ARHGEF28: variants seen among roughly 807,000 people sequenced by gnomAD.
ARHGEF28 encodes the protein Rho guanine nucleotide exchange factor 28, also known as 190 kDa guanine nucleotide exchange factor.
ARHGEF28 carries 152 observed loss-of-function variants against 206.6 expected under a neutral mutation model. That is an observed-to-expected ratio of 0.74 (90% CI 0.64 to 0.84). The LOEUF (loss-of-function observed/expected upper bound fraction) is 0.84. Ranked by LOEUF, ARHGEF28 falls within the 40% of genes least tolerant of loss-of-function variation. The pLI is 0.00. For synonymous variants in ARHGEF28, 763 were observed against 776.4 expected (o/e 0.98, Z 0.29); for missense variants, 2,028 against 2,073.2 (o/e 0.98, Z 0.42).
Position 73,840,476 on chromosome 5 carries a change from C to A in ARHGEF28, c.1147-4C>A. 1 of 1,609,250 alleles carries A rather than the reference C, an allele frequency of 6.2e-7. No individual in the cohort carries two copies. Among genetic ancestry groups the A allele is most frequent in the Non-Finnish European group, 8.5e-7 (1 of 1,176,750 alleles). ...TCAGGAAATGTTTTTCTTTCAACTT[C>A]CAGGTTGGTGATTTGGATATCAGCT... On this transcript the variant is annotated splice_polypyrimidine_tract_variant and splice_region_variant and intron_variant, in intron 10 of 35. Coordinates refer to ENST00000513042, the MANE Select transcript of ARHGEF28 (RefSeq NM_001177693.2).
intron 2 of ARHGEF28, among the ~76,000 whole-genome samples, chr5:73,717,398 GTCT>G (rs1306655395): frequency 6.6e-6 from 1 of 152,028 alleles, no homozygotes; most frequent in Admixed American, 6.5e-5. Context: ...CTTTAACCTT[GTCT>G]TCTTCACATT....
At chr5:73,723,440 C>G (rs950653974) in intron 2 of ARHGEF28, among the ~76,000 whole-genome samples, 1 of 152,198 alleles carries the variant, frequency 6.6e-6, no homozygotes, top group African/African-American at 2.4e-5. Flanking sequence ...CCCTCCTTGG[C>G]CTCCCAAAGT....
intron 4 of ARHGEF28, among the ~76,000 whole-genome samples, chr5:73,768,139 G>A (rs1439623837): frequency 6.6e-6 from 1 of 152,206 alleles, no homozygotes; most frequent in Non-Finnish European, 1.5e-5. Context: ...CATGGCAAAA[G>A]TTTGCTGCAG....
intron 1 of ARHGEF28, among the ~76,000 whole-genome samples, chr5:73,676,752 T>A (rs1746718178): frequency 6.6e-6 from 1 of 152,190 alleles, no homozygotes; most frequent in African/African-American, 2.4e-5. Context: ...TTCATTTAAC[T>A]TGATAAGGGT....
At chr5:73,657,867 G>A (rs1340957554) in intron 1 of ARHGEF28, among the ~76,000 whole-genome samples, 2 of 152,080 alleles carry the variant, frequency 1.3e-5, no homozygotes, top group South Asian at 4.2e-4. Flanking sequence ...CCACACATGG[G>A]CAAGATGTCT....
chr5:73,759,133 A>G (rs10055563), intron 4 of ARHGEF28, among the ~76,000 whole-genome samples: 4,658 of 134,854 alleles, frequency 0.035, 105 homozygotes, highest in East Asian at 0.088. Flanking sequence ...TGGTGGAACT[A>G]GCAGGACCCA....
intron 35 of ARHGEF28, among the ~76,000 whole-genome samples, chr5:73,919,595 C>T (rs403615): frequency 0.43 from 65,055 of 152,068 alleles, 15,390 homozygotes; most frequent in South Asian, 0.63. Context: ...TTACATTATG[C>T]AAATATACCC....
intron 21 of ARHGEF28, 48 bp downstream of exon 21, chr5:73,870,257 G>C: frequency 1.9e-6 from 3 of 1,565,526 alleles, no homozygotes; most frequent in African/African-American, 1.4e-5. Context: ...GCGGTTCAGA[G>C]AAAAGAACAT....
intron 1 of ARHGEF28, among the ~76,000 whole-genome samples, chr5:73,628,777 A>G (rs1470916629): frequency 6.6e-6 from 1 of 152,198 alleles, no homozygotes; most frequent in Non-Finnish European, 1.5e-5. Context: ...TTGAGTCCAC[A>G]TCTCTACTTA....
chr5:73,814,057 A>G (rs1335062040), intron 9 of ARHGEF28, among the ~76,000 whole-genome samples: 2 of 152,154 alleles, frequency 1.3e-5, no homozygotes, highest in African/African-American at 4.8e-5. Flanking sequence ...GAGAATACGC[A>G]TGTGTTTCAT....
intron 1 of ARHGEF28, among the ~76,000 whole-genome samples, chr5:73,655,973 T>C (rs997722228): frequency 6.6e-6 from 1 of 152,198 alleles, no homozygotes; most frequent in Non-Finnish European, 1.5e-5. Flanking sequence ...AGGAACCAGA[T>C]GGTCAACATG....
chr5:73,846,406 T>C lies in ARHGEF28; in HGVS notation c.1566T>C (p.Thr522=). The C allele has an allele frequency of 6.2e-7, 1 of 1,614,002 alleles. No individual in the cohort carries two copies. The highest frequency in any genetic ancestry group is 1.3e-5 in the African/African-American group (1 of 75,062). The part of the protein sequence containing the change: ...PSGDELDSFE[T]NTEPDFNISR... ...GGGATGAATTGGACTCTTTTGAGACTAACACTGAACCGGATTTTAATATCT... is the reference window on the plus strand; with the variant it reads ...GGGATGAATTGGACTCTTTTGAGACCAACACTGAACCGGATTTTAATATCT... The change falls in exon 12 of 36, where the codon ACT becomes ACC. Residue 522 remains threonine, a synonymous_variant. Transcript: ENST00000513042.
chr5:73,829,449 C>T (rs62357755), intron 9 of ARHGEF28, among the ~76,000 whole-genome samples: 18,975 of 152,096 alleles, frequency 0.12, 1,247 homozygotes, highest in African/African-American at 0.15. Flanking sequence ...GGCGCAATCT[C>T]GGCTCACTGC....
At chr5:73,895,904 T>G (rs1761935701) in intron 29 of ARHGEF28, among the ~76,000 whole-genome samples, 1 of 152,184 alleles carries the variant, frequency 6.6e-6, no homozygotes, top group Non-Finnish European at 1.5e-5. Context: ...CAGCCATCTT[T>G]ATTTCCCAGT....
chr5:73,656,751 A>G (rs1745228050), intron 1 of ARHGEF28, among the ~76,000 whole-genome samples: 1 of 152,202 alleles, frequency 6.6e-6, no homozygotes, highest in South Asian at 2.1e-4. Flanking sequence ...AGAAAAGTCA[A>G]CGTCCTTAGG....
At chr5:73,745,066 T>C (rs1236932103) in intron 2 of ARHGEF28, among the ~76,000 whole-genome samples, 2 of 152,092 alleles carry the variant, frequency 1.3e-5, no homozygotes, top group Admixed American at 6.5e-5. Flanking sequence ...TGTATCCTTT[T>C]TTCTAATTGT....
intron 30 of ARHGEF28, chr5:73,900,910 C>T (rs113968397): frequency 4.8e-5 from 14 of 293,322 alleles, no homozygotes; most frequent in African/African-American, 1.5e-4. Context: ...AAACGACACA[C>T]GAACACTTCA....
At chr5:73,678,883 A>G (rs867481512) in intron 1 of ARHGEF28, among the ~76,000 whole-genome samples, 2 of 152,102 alleles carry the variant, frequency 1.3e-5, no homozygotes, top group Non-Finnish European at 2.9e-5. Context: ...GTAACAATGT[A>G]TATATATTTT....
chr5:73,895,337 G>A (rs190587307), intron 29 of ARHGEF28, among the ~76,000 whole-genome samples: 2 of 152,262 alleles, frequency 1.3e-5, no homozygotes, highest in Admixed American at 6.5e-5. Flanking sequence ...TAAGTTTATA[G>A]AATTGAAAAT....
Sources: allele counts gnomAD v4.1 joint callset (sites outside exome capture counted in the v4.1 genomes callset), GRCh38; gene constraint gnomAD v4.1.1; transcripts MANE v1.5; gene names NCBI Gene and HGNC (gene_info 2026-07-23, HGNC 2026-07-21).